Variants in FMN2 observed in about 807,000 individuals in gnomAD.
The protein encoded by FMN2 is formin-2.
Under a neutral mutation model 142.3 loss-of-function variants are expected in FMN2, and 51 were observed. That is an observed-to-expected ratio of 0.36 (90% CI 0.29 to 0.45). FMN2 has a LOEUF of 0.45. Ranked by LOEUF, FMN2 falls within the 20% of genes least tolerant of loss-of-function variation. The pLI, the probability that FMN2 is intolerant of heterozygous loss-of-function variation, is 1.00. For synonymous variants in FMN2, 882 were observed against 869.8 expected (o/e 1.01, Z -0.25); for missense variants, 1,936 against 2,122.8 (o/e 0.91, Z 1.73).
intron 11 of FMN2, among the ~76,000 whole-genome samples, chr1:240,331,929 G>A (rs1396103647): frequency 1.3e-5 from 2 of 152,180 alleles, no homozygotes; most frequent in African/African-American, 4.8e-5. Flanking sequence ...ATGGTTGTAT[G>A]GGTACTCGCA....
chr1:240,310,181 G>C (rs1461871261), intron 8 of FMN2, among the ~76,000 whole-genome samples: 11 of 152,054 alleles, frequency 7.2e-5, no homozygotes, highest in Admixed American at 7.2e-4. Context: ...AAATATATGG[G>C]TAATAATCTT....
intron 14 of FMN2, among the ~76,000 whole-genome samples, chr1:240,363,309 G>GAAGCAAATTGTCTTTT (rs1324077836): frequency 3.9e-5 from 6 of 152,220 alleles, no homozygotes; most frequent in Non-Finnish European, 7.3e-5. Flanking sequence ...TGTTGAAAAA[G>GAAGCAAATTGTCTTTT]AAGCAAATTG....
In FMN2 at chr1:240,473,884, T is replaced by C. The variant is rs1676889860; in HGVS notation, c.5143-244T>C. On this transcript the variant is annotated intron_variant, in intron 17 of 17. Coordinates refer to ENST00000319653, the MANE Select transcript of FMN2 (RefSeq NM_020066.5). This position sits in a 1 kb window ranked among gnomAD's most constrained non-coding sequence, Gnocchi z 4.3. ...AGAGTTTGACACCCTCTCATATTGG[T>C]TAGAAGTTAAATTTTTAAAACTTTT... Among the ~76,000 whole-genome samples, 1 of 152,166 alleles carries C rather than the reference T, an allele frequency of 6.6e-6. No homozygotes were observed.
At chr1:240,205,493 G>C (rs1208501465) in intron 4 of FMN2, among the ~76,000 whole-genome samples, 1 of 118,464 alleles carries the variant, frequency 8.4e-6, no homozygotes, top group African/African-American at 3.4e-5. Flanking sequence ...ACGGAGTCTC[G>C]CTCTGTCACC....
intron 1 of FMN2, among the ~76,000 whole-genome samples, chr1:240,118,906 G>A (rs956304403): frequency 6.6e-6 from 1 of 152,174 alleles, no homozygotes. Context: ...GGATAGTAGG[G>A]TCTAGCCAGT....
intron 1 of FMN2, among the ~76,000 whole-genome samples, chr1:240,121,765 A>AAAAAAAAAAAAC (rs1662267621): frequency 6.8e-6 from 1 of 147,684 alleles, no homozygotes; most frequent in African/African-American, 2.5e-5. Flanking sequence ...AAAAAAAAAA[A>AAAAAAAAAAAAC]AGTCCTTAAG....
At chr1:240,097,817 A>G (rs996235932) in intron 1 of FMN2, among the ~76,000 whole-genome samples, 1 of 152,166 alleles carries the variant, frequency 6.6e-6, no homozygotes, top group Non-Finnish European at 1.5e-5. Flanking sequence ...AACTATCTGT[A>G]ATCCTTAACA....
chr1:240,144,382 G>A (rs957606937), intron 2 of FMN2: 1 of 1,606,922 alleles, frequency 6.2e-7, no homozygotes, highest in Non-Finnish European at 8.5e-7. Context: ...CCCGAGCTAA[G>A]GCCAAGAAGT....
chr1:240,227,617 A>G (rs1667357797), intron 6 of FMN2, among the ~76,000 whole-genome samples: 1 of 152,214 alleles, frequency 6.6e-6, no homozygotes, highest in African/African-American at 2.4e-5. Context: ...TCAATGGAAT[A>G]TATTTGAGAG....
At chr1:240,222,304 G>T (rs552785809) in intron 6 of FMN2, among the ~76,000 whole-genome samples, 2 of 152,196 alleles carry the variant, frequency 1.3e-5, no homozygotes, top group South Asian at 4.2e-4. Flanking sequence ...GGTTGTAGAT[G>T]TGTAACATTA....
chr1:240,429,874 GTTTTTTTTTGT>G (rs1675080118), intron 15 of FMN2, among the ~76,000 whole-genome samples: 3 of 145,270 alleles, frequency 2.1e-5, no homozygotes, highest in East Asian at 2.0e-4. Context: ...TTCCTTTTTT[GTTTTTTTTTGT>G]TTTTTTTTTG....
chr1:240,420,115 G>A (rs1231685000), intron 15 of FMN2, among the ~76,000 whole-genome samples: 1 of 152,072 alleles, frequency 6.6e-6, no homozygotes, highest in African/African-American at 2.4e-5. Context: ...GCCCAGCTCT[G>A]CAACCTCTTC....
At chr1:240,143,526 G>T in intron 2 of FMN2, 1 of 1,590,586 alleles carries the variant, frequency 6.3e-7, no homozygotes. Context: ...TGGAGTCAAA[G>T]TGTTCGCTGC....
intron 1 of FMN2, among the ~76,000 whole-genome samples, chr1:240,113,339 G>A (rs542550779): frequency 2.0e-5 from 3 of 152,052 alleles, no homozygotes; most frequent in South Asian, 2.1e-4. Context: ...CGAGGTGGGC[G>A]GATTGCCTGA....
At chr1:240,387,585 A>T (rs2103090258) in intron 14 of FMN2, among the ~76,000 whole-genome samples, 1 of 152,354 alleles carries the variant, frequency 6.6e-6, no homozygotes, top group South Asian at 2.1e-4. Context: ...GTAGAAATAA[A>T]ATCTATTAAA....
chr1:240,309,574 T>A (rs538880183), intron 8 of FMN2, among the ~76,000 whole-genome samples: 1 of 152,252 alleles, frequency 6.6e-6, no homozygotes, highest in South Asian at 2.1e-4. Flanking sequence ...GGTATGCTGC[T>A]GGGGTGTGGC....
chr1:240,472,761 G>A (rs998084563), intron 17 of FMN2, among the ~76,000 whole-genome samples: 1 of 151,758 alleles, frequency 6.6e-6, no homozygotes, highest in Non-Finnish European at 1.5e-5. Context: ...CCTGCCCAAC[G>A]TGATGAAACC....
chr1:240,257,518 G>A (rs1668486646), intron 6 of FMN2, among the ~76,000 whole-genome samples: 1 of 152,048 alleles, frequency 6.6e-6, no homozygotes, highest in Non-Finnish European at 1.5e-5. Flanking sequence ...TTTATTTTGC[G>A]CTTCACTTGC....
chr1:240,438,257 T>G, intron 16 of FMN2, 47 bp downstream of exon 16: 1 of 1,588,368 alleles, frequency 6.3e-7, no homozygotes, highest in South Asian at 1.2e-5. Flanking sequence ...TGGTGTTTTA[T>G]TAGGTGTGGC....
Sources: allele counts gnomAD v4.1 joint callset (sites outside exome capture counted in the v4.1 genomes callset), GRCh38; gene constraint gnomAD v4.1.1; non-coding constraint Gnocchi (gnomAD v3.1); transcripts MANE v1.5; gene names NCBI Gene and HGNC (gene_info 2026-07-23, HGNC 2026-07-21).